BMPR1A: variants seen among roughly 807,000 people sequenced by gnomAD.
BMPR1A encodes bone morphogenetic protein receptor type 1A.
Under a neutral mutation model 66.0 loss-of-function variants are expected in BMPR1A, and 7 were observed. The observed-to-expected ratio is 0.11, with a 90% confidence interval of 0.06 to 0.20. The LOEUF (loss-of-function observed/expected upper bound fraction) is 0.20. BMPR1A is among the 10% of genes least tolerant of loss of function. The pLI, the probability that BMPR1A is intolerant of heterozygous loss-of-function variation, is 1.00. For missense variants in BMPR1A, 408 were observed against 669.1 expected (o/e 0.61, Z 4.31); for synonymous variants, 200 against 229.7 (o/e 0.87, Z 1.17).
chr10:86,923,285 T>A, intron 11 of BMPR1A, 91 bp from the exon 12 acceptor site: 1 of 1,545,898 alleles, frequency 6.5e-7, no homozygotes, highest in Non-Finnish European at 8.9e-7. Flanking sequence ...GAATCCGTTT[T>A]AGTTCCATAG....
rs929716555 is a variant in BMPR1A at position 86,906,723 on chromosome 10, C to CA, written c.531-5478dup. Among the ~76,000 whole-genome samples the CA allele has an allele frequency of 6.5e-3, 70 of 10,696 alleles. 25 individuals are homozygous for CA. Among genetic ancestry groups the CA allele is most frequent in the African/African-American group, 0.012 (9 of 722 alleles). 7.0% of individuals were successfully genotyped at this position (10,696 alleles called of 152,430 possible). A position where few individuals can be genotyped will look rare whatever the true frequency, so the allele number is the denominator to read the frequency against. ...TGGGCGACAGAGTGAGACTCCGTCT[C>CA]AAAAAAAAAAAAAAAAAAAAAAAAA... On this transcript the variant is annotated intron_variant, in intron 7 of 12. Coordinates refer to ENST00000372037, the MANE Select transcript of BMPR1A (RefSeq NM_004329.3).
intron 1 of BMPR1A, among the ~76,000 whole-genome samples, chr10:86,775,356 C>T (rs1005627944): frequency 6.6e-6 from 1 of 152,164 alleles, no homozygotes; most frequent in Admixed American, 6.5e-5. Flanking sequence ...CCCAGACATG[C>T]TTTGAGTCAT....
intron 8 of BMPR1A, among the ~76,000 whole-genome samples, chr10:86,912,930 A>G (rs1400427804): frequency 6.6e-6 from 1 of 152,114 alleles, no homozygotes; most frequent in Non-Finnish European, 1.5e-5. Context: ...ACAAATTTGG[A>G]TGGATTCTTG....
chr10:86,827,957 G>A (rs1842217939), intron 1 of BMPR1A, among the ~76,000 whole-genome samples: 3 of 152,168 alleles, frequency 2.0e-5, no homozygotes, highest in African/African-American at 7.2e-5. Context: ...TTCAAGACCA[G>A]CTTGGCCAAT....
At chr10:86,883,984 C>T (rs1011551773) in intron 3 of BMPR1A, among the ~76,000 whole-genome samples, 1 of 151,466 alleles carries the variant, frequency 6.6e-6, no homozygotes, top group Admixed American at 6.6e-5. Flanking sequence ...AAGCGATTCT[C>T]CTGCCTCAGC....
intron 8 of BMPR1A, among the ~76,000 whole-genome samples, chr10:86,912,784 G>C (rs184675112): frequency 3.3e-5 from 5 of 152,260 alleles, no homozygotes; most frequent in Admixed American, 1.3e-4. Flanking sequence ...TGAGGGAACT[G>C]TAACTATTTC....
intron 4 of BMPR1A, 91 bp downstream of exon 4, chr10:86,890,315 T>G: frequency 6.6e-7 from 1 of 1,519,956 alleles, no homozygotes; most frequent in Non-Finnish European, 9.1e-7. Context: ...TCTGCGGTTT[T>G]TTTTTCATTC....
At position 86,888,073 on chromosome 10, in the gene BMPR1A, G is replaced by A. The variant is rs565001948; in HGVS notation, c.68-1989G>A. Among the ~76,000 whole-genome samples, 80 of 151,870 alleles carry A rather than the reference G, an allele frequency of 5.3e-4. 2 individuals are homozygous for A. Among genetic ancestry groups the A allele is most frequent in the East Asian group, 1.9e-4 (1 of 5,194 alleles). On this transcript the variant is annotated intron_variant, in intron 3 of 12. Coordinates refer to ENST00000372037, the MANE Select transcript of BMPR1A (RefSeq NM_004329.3). The stretch of plus-strand genomic sequence containing the variant: ...AACGGAAGCCTTGACATTATATTAC[G>A]GAATTTATTTCTGAAAGGAGAGTGG...
At chr10:86,854,065 G>A (rs1589747368) in intron 2 of BMPR1A, among the ~76,000 whole-genome samples, 2 of 151,986 alleles carry the variant, frequency 1.3e-5, no homozygotes, top group Non-Finnish European at 2.9e-5. Context: ...CACCCAAGGG[G>A]ACCATTTCAG....
chr10:86,919,325 G>C lies in BMPR1A; in HGVS notation c.1022G>C (p.Gly341Ala), dbSNP rs1564724250. The C allele has an allele frequency of 1.9e-6, 3 of 1,613,696 alleles. No homozygotes were observed. Among genetic ancestry groups the C allele is most frequent in the Non-Finnish European group, 2.5e-6 (3 of 1,179,870 alleles). ...AAATTGGCTTATTCAGCTGCCTGTGGTCTGTGCCACCTGCACACAGAAATT... is the reference window on the plus strand; with the variant it reads ...AAATTGGCTTATTCAGCTGCCTGTGCTCTGTGCCACCTGCACACAGAAATT... ...LLKLAYSAAC[G>A]LCHLHTEIYG... The change falls in exon 10 of 13, where the codon GGT becomes GCT. Residue 341 changes from glycine (G) to alanine (A), a missense_variant. Physicochemically the swap from Gly to Ala is moderately conservative, Grantham distance 60. Transcript: ENST00000372037.
intron 1 of BMPR1A, among the ~76,000 whole-genome samples, chr10:86,767,117 C>T (rs138258070): frequency 1.8e-4 from 27 of 152,182 alleles, no homozygotes; most frequent in African/African-American, 4.1e-4. Flanking sequence ...GCACCACGCC[C>T]GGCCATATCA....
At chr10:86,791,730 T>TTCCG (rs1482924318) in intron 1 of BMPR1A, among the ~76,000 whole-genome samples, 2 of 80,500 alleles carry the variant, frequency 2.5e-5, no homozygotes. Flanking sequence ...CCTTCCTTCC[T>TTCCG]TCCCTCCCTC....
intron 2 of BMPR1A, among the ~76,000 whole-genome samples, chr10:86,854,413 A>G (rs1842612951): frequency 6.6e-6 from 1 of 152,230 alleles, no homozygotes; most frequent in East Asian, 1.9e-4. Flanking sequence ...AGGAAATCAC[A>G]AGGGTATTGA....
chr10:86,757,119 C>T (rs1847884878), intron 1 of BMPR1A, among the ~76,000 whole-genome samples, 200 bp downstream of exon 1: 1 of 151,756 alleles, frequency 6.6e-6, no homozygotes, highest in Non-Finnish European at 1.5e-5. Flanking sequence ...CCCCGCGCCG[C>T]GTCCCCCGCC....
intron 5 of BMPR1A, among the ~76,000 whole-genome samples, chr10:86,899,300 C>T (rs1843271858): frequency 1.3e-5 from 2 of 152,238 alleles, no homozygotes; most frequent in Non-Finnish European, 2.9e-5. Flanking sequence ...CTCAAGAATG[C>T]TTTCTGTAGT....
chr10:86,865,811 C>T (rs534694803), intron 2 of BMPR1A, among the ~76,000 whole-genome samples: 2 of 152,316 alleles, frequency 1.3e-5, no homozygotes, highest in East Asian at 3.9e-4. Flanking sequence ...AGACATTATT[C>T]CAACCAAAAA....
At chr10:86,920,665 T>A (rs1843648492) in intron 10 of BMPR1A, among the ~76,000 whole-genome samples, 1 of 152,114 alleles carries the variant, frequency 6.6e-6, no homozygotes, top group Non-Finnish European at 1.5e-5. Context: ...GTCAGTATGA[T>A]CATGTAAACA....
In BMPR1A at chr10:86,890,083, T is replaced by C; in HGVS notation, c.89T>C (p.Leu30Pro). The change falls in exon 4 of 13, where the codon CTT becomes CCT. Residue 30 changes from leucine to proline, a missense_variant. By Grantham distance (98) the Leu-to-Pro change is moderately conservative. This residue lies in a region of BMPR1A where 68 missense variants were observed against 83.0 expected (regional missense o/e 0.82). Coordinates refer to ENST00000372037, the MANE Select transcript of BMPR1A (RefSeq NM_004329.3). ...GCAGGACAGAATCTGGATAGTATGC[T>C]TCATGGCACTGGGATGAAATCAGAC... ...RVQGQNLDSM[L>P]HGTGMKSDSD... 1 of 1,613,344 alleles carries C rather than the reference T, an allele frequency of 6.2e-7. No individual in the cohort carries two copies. The highest frequency in any genetic ancestry group is 8.5e-7 in the Non-Finnish European group (1 of 1,179,992).
chr10:86,859,634 A>G (rs973985133), intron 2 of BMPR1A, among the ~76,000 whole-genome samples: 3 of 152,056 alleles, frequency 2.0e-5, no homozygotes, highest in Admixed American at 6.5e-5. Flanking sequence ...AGCCTGGCCA[A>G]CGCCATCTCT....
Sources: allele counts gnomAD v4.1 joint callset (sites outside exome capture counted in the v4.1 genomes callset), GRCh38; gene constraint gnomAD v4.1.1; regional missense constraint gnomAD v4.1.1; transcripts MANE v1.5; gene names NCBI Gene and HGNC (gene_info 2026-07-23, HGNC 2026-07-21).